Variants in NRXN1 observed in about 807,000 individuals in gnomAD.
NRXN1 encodes the protein neurexin 1.
NRXN1 carries 39 observed loss-of-function variants against 150.9 expected under a neutral mutation model. That is an observed-to-expected ratio of 0.26 (90% CI 0.20 to 0.34). The LOEUF is 0.34. Ranked by LOEUF, NRXN1 falls within the 10% of genes least tolerant of loss-of-function variation. NRXN1 has a pLI of 1.00. For missense variants in NRXN1, 1,815 were observed against 1,949.9 expected, an observed-to-expected ratio of 0.93 and a Z score of 1.30; for synonymous variants, 924 against 757.0, an observed-to-expected ratio of 1.22 and a Z score of -3.62.
At chr2:50,647,622 C>A (rs1166663377) in intron 5 of NRXN1, among the ~76,000 whole-genome samples, 1 of 151,958 alleles carries the variant, frequency 6.6e-6, no homozygotes, top group African/African-American at 2.4e-5. Context: ...AAAAGCTTTA[C>A]TCTTGTCCTC....
At chr2:50,326,721 A>T (rs2076408388) in intron 17 of NRXN1, among the ~76,000 whole-genome samples, 1 of 152,208 alleles carries the variant, frequency 6.6e-6, no homozygotes, top group Non-Finnish European at 1.5e-5. Context: ...ACATAATTAT[A>T]TAGAGTTGAT....
intron 18 of NRXN1, among the ~76,000 whole-genome samples, chr2:50,106,850 ATTAT>A (rs1701711678): frequency 6.6e-6 from 1 of 151,970 alleles, no homozygotes; most frequent in South Asian, 2.1e-4. Context: ...TTTTTAATGG[ATTAT>A]TTACTCATCA....
intron 19 of NRXN1, among the ~76,000 whole-genome samples, chr2:50,068,772 T>G (rs1695759627): frequency 6.6e-6 from 1 of 152,052 alleles, no homozygotes; most frequent in African/African-American, 2.4e-5. Context: ...CAAAAAATAT[T>G]TTTTTTACCC....
intron 17 of NRXN1, among the ~76,000 whole-genome samples, chr2:50,361,161 G>T (rs1009625622): frequency 6.6e-6 from 1 of 152,024 alleles, no homozygotes; most frequent in African/African-American, 2.4e-5. Context: ...GGAGAAAGCA[G>T]GAAAGATCTA....
chr2:50,725,434 G>C (rs531178684), intron 5 of NRXN1, among the ~76,000 whole-genome samples: 27 of 151,914 alleles, frequency 1.8e-4, no homozygotes, highest in Middle Eastern at 3.4e-3. Context: ...GGTAGCTCTT[G>C]GCAAAGTTCA....
At position 50,485,154 on chromosome 2, in the gene NRXN1, G is replaced by C. The variant is rs555878505; in HGVS notation, c.3070+10751C>G. On this transcript the variant is annotated intron_variant, in intron 15 of 22. Transcript: ENST00000401669. ...GATCTAATTGTTGTGAGGATTCAGA[G>C]ACCGTATGTGTAAAATAAATACTAA... Among the ~76,000 whole-genome samples the C allele has an allele frequency of 5.3e-5, 8 of 152,278 alleles. No homozygotes were observed. The South Asian group carries it at 1.7e-3, about 32-fold the overall frequency.
intron 17 of NRXN1, among the ~76,000 whole-genome samples, chr2:50,302,145 A>T (rs1037459876): frequency 1.3e-5 from 2 of 152,192 alleles, no homozygotes. Context: ...GTTAGTTTTG[A>T]AACTAAGTTT....
intron 5 of NRXN1, among the ~76,000 whole-genome samples, chr2:50,766,754 G>T (rs563782203): frequency 6.6e-6 from 1 of 152,058 alleles, no homozygotes; most frequent in South Asian, 2.1e-4. Flanking sequence ...ACCAGGGAGG[G>T]TCAATTACCA....
intron 5 of NRXN1, among the ~76,000 whole-genome samples, chr2:50,762,298 T>C (rs1372810944): frequency 6.6e-6 from 1 of 151,926 alleles, no homozygotes; most frequent in African/African-American, 2.4e-5. Context: ...CATGCCACCA[T>C]GTCCAGCTCT....
At chr2:50,881,795 T>C (rs983116727) in intron 5 of NRXN1, among the ~76,000 whole-genome samples, 9 of 151,904 alleles carry the variant, frequency 5.9e-5, no homozygotes, top group African/African-American at 1.4e-4. Flanking sequence ...TAGAGGGTAA[T>C]GCCTTTTAAT....
At chr2:50,054,682 C>T (rs1303266783) in intron 20 of NRXN1, among the ~76,000 whole-genome samples, 1 of 151,806 alleles carries the variant, frequency 6.6e-6, no homozygotes, top group Non-Finnish European at 1.5e-5. Flanking sequence ...CTGTGAGTAC[C>T]CTCATAGATT....
chr2:50,774,268 A>C (rs988206238), intron 5 of NRXN1, among the ~76,000 whole-genome samples: 1 of 152,168 alleles, frequency 6.6e-6, no homozygotes, highest in Admixed American at 6.5e-5. Flanking sequence ...AACTAAACCA[A>C]ACTTACTAAA....
intron 17 of NRXN1, among the ~76,000 whole-genome samples, chr2:50,237,278 C>G (rs993622286): frequency 5.3e-5 from 8 of 151,944 alleles, no homozygotes; most frequent in African/African-American, 1.9e-4. Context: ...TCTCTTCCTG[C>G]CAGTTTTTAA....
At chr2:50,445,677 C>A (rs895689854) in intron 17 of NRXN1, among the ~76,000 whole-genome samples, 3 of 152,102 alleles carry the variant, frequency 2.0e-5, no homozygotes, top group Non-Finnish European at 4.4e-5. Flanking sequence ...AAATAATTGC[C>A]ACAATGTAGG....
chr2:49,965,224 TC>T lies in NRXN1; in HGVS notation c.4129-21434del, dbSNP rs200706289. Among the ~76,000 whole-genome samples the T allele has an allele frequency of 5.8e-3, 886 of 152,056 alleles. 10 individuals are homozygous for T. The highest frequency in any genetic ancestry group is 0.021 in the African/African-American group (863 of 41,492). ...TCCTTGTGTCTAAGAAAAAATTTTT[TC>T]TGCCTAAGGTTTCTAATTATTATAG... On this transcript the variant is annotated intron_variant, in intron 21 of 22. Coordinates refer to ENST00000401669, the MANE Select transcript of NRXN1 (RefSeq NM_001330078.2).
At chr2:51,023,520 A>T (rs1669950095) in intron 2 of NRXN1, among the ~76,000 whole-genome samples, 1 of 152,116 alleles carries the variant, frequency 6.6e-6, no homozygotes, top group Non-Finnish European at 1.5e-5. Context: ...ACTTTTTCAG[A>T]TTTCAGTTTA....
At chr2:50,420,936 T>A (rs1053500390) in intron 17 of NRXN1, among the ~76,000 whole-genome samples, 1 of 149,656 alleles carries the variant, frequency 6.7e-6, no homozygotes, top group Admixed American at 6.7e-5. Context: ...ATGCATCTGG[T>A]CCTGGTCACC....
intron 17 of NRXN1, among the ~76,000 whole-genome samples, chr2:50,315,161 A>C (rs918095020): frequency 1.3e-5 from 2 of 152,010 alleles, no homozygotes; most frequent in South Asian, 4.1e-4. Context: ...TCTCTGAAGA[A>C]TATGTGAGCT....
In NRXN1 at chr2:50,386,410, A is replaced by G. The variant is rs185232753; in HGVS notation, c.3364+79032T>C. On this transcript the variant is annotated intron_variant, in intron 17 of 22. Transcript: ENST00000401669. Reference sequence around the variant, plus strand: ...AGCCAATCATGAGATTTGGCTGCCAAAAAAGTAATGGTTCATAGGAGGTAA... The same window carrying G: ...AGCCAATCATGAGATTTGGCTGCCAGAAAAGTAATGGTTCATAGGAGGTAA... Among the ~76,000 whole-genome samples, 674 of 152,244 alleles carry G rather than the reference A, an allele frequency of 4.4e-3. 3 individuals carry two copies. The highest frequency in any genetic ancestry group is 7.9e-3 in the Non-Finnish European group (534 of 68,016).
Sources: allele counts gnomAD v4.1 joint callset (sites outside exome capture counted in the v4.1 genomes callset), GRCh38; gene constraint gnomAD v4.1.1; transcripts MANE v1.5; gene names NCBI Gene and HGNC (gene_info 2026-07-23, HGNC 2026-07-21).